The following CTNNA3 variants were observed in gnomAD, a reference collection of about 807,000 sequenced individuals.
CTNNA3 encodes catenin alpha-3.
Under a neutral mutation model 95.7 loss-of-function variants are expected in CTNNA3, and 76 were observed. That is an observed-to-expected ratio of 0.79 (90% confidence interval 0.66 to 0.96). The LOEUF (loss-of-function observed/expected upper bound fraction) is 0.96, where lower values mean the gene tolerates loss of function less well. Among genes scored for constraint, CTNNA3 ranks in the 40% least tolerant of loss-of-function variants. CTNNA3 has a pLI of 0.00. For synonymous variants in CTNNA3, 431 were observed against 374.4 expected (o/e 1.15, Z -1.74); for missense variants, 1,191 against 1,089.8 (o/e 1.09, Z -1.31).
At chr10:67,279,544 T>TAAGGAGAG (rs1554817340) in intron 5 of CTNNA3, among the ~76,000 whole-genome samples, 4 of 138,852 alleles carry the variant, frequency 2.9e-5, no homozygotes, top group South Asian at 2.6e-4. Context: ...AGGGTAATAG[T>TAAGGAGAG]CAATTAGGTA....
Position 66,347,881 on chromosome 10 carries a change from C to T in CTNNA3, c.1732+31271G>A, listed in dbSNP as rs570608186. On this transcript the variant is annotated intron_variant, in intron 12 of 17. Coordinates refer to ENST00000433211, the MANE Select transcript of CTNNA3 (RefSeq NM_013266.4). ...TGTCACATGCTCAGGACGAGATAAT[C>T]GAGATAATAGAATAAATGACATATT... Among the ~76,000 whole-genome samples the T allele has an allele frequency of 4.0e-5, 6 of 151,864 alleles. No individual in the cohort carries two copies. In the South Asian group the frequency reaches 8.3e-4, roughly 21 times the overall value.
intron 15 of CTNNA3, among the ~76,000 whole-genome samples, chr10:66,052,529 TTTAAA>T (rs1210480383): frequency 2.0e-5 from 3 of 152,174 alleles, no homozygotes; most frequent in Non-Finnish European, 4.4e-5. Flanking sequence ...TTGTACGTTG[TTTAAA>T]TTAAAAGTGT....
rs916933045 is a variant in CTNNA3 at position 65,917,725 on chromosome 10, T to C, written c.*2605A>G. 6.6e-6 allele frequency: 1 copy of C among 152,200 alleles called. No individual in the cohort carries two copies. Among genetic ancestry groups the C allele is most frequent in the African/African-American group, 2.4e-5 (1 of 41,456 alleles). The allele number at this position is 152,200 out of a possible 1,614,324, so 9.4% of individuals were successfully genotyped here. A position where few individuals can be genotyped will look rare whatever the true frequency, so the allele number is the denominator to read the frequency against. On this transcript the variant is annotated 3_prime_UTR_variant, in exon 18 of 18. Coordinates refer to ENST00000433211, the MANE Select transcript of CTNNA3 (RefSeq NM_013266.4). The stretch of plus-strand genomic sequence containing the variant: ...AAAGGTACATAGGTGGATCACCAAA[T>C]TATCACTCTCATTAAGAAATTTCTG...
intron 5 of CTNNA3, among the ~76,000 whole-genome samples, chr10:67,275,523 T>C (rs930755962): frequency 6.6e-6 from 1 of 151,654 alleles, no homozygotes; most frequent in African/African-American, 2.4e-5. Flanking sequence ...GCTAAGCGTA[T>C]AAAAAACCGA....
upstream of CTNNA3, among the ~76,000 whole-genome samples, chr10:67,699,027 T>TA (rs891320814): frequency 1.3e-5 from 2 of 152,022 alleles, no homozygotes; most frequent in African/African-American, 4.8e-5. Flanking sequence ...TCCCTCCTAT[T>TA]AAAATGCAAG....
intron 10 of CTNNA3, among the ~76,000 whole-genome samples, chr10:66,589,064 G>T (rs2132223167): frequency 6.6e-6 from 1 of 152,132 alleles, no homozygotes; most frequent in East Asian, 1.9e-4. Context: ...AGATCTGACA[G>T]CTCAACAATG....
intron 7 of CTNNA3, among the ~76,000 whole-genome samples, chr10:66,948,135 T>G (rs1024719957): frequency 6.6e-6 from 1 of 152,204 alleles, no homozygotes; most frequent in Admixed American, 6.5e-5. Context: ...AGTCCCTCAT[T>G]GGCCACAACA....
At chr10:66,012,509 T>C (rs1377204657) in intron 15 of CTNNA3, among the ~76,000 whole-genome samples, 1 of 152,148 alleles carries the variant, frequency 6.6e-6, no homozygotes, top group Non-Finnish European at 1.5e-5. Flanking sequence ...CCATAAACCA[T>C]ACATAATTAT....
chr10:66,108,015 G>T (rs1390751416), intron 13 of CTNNA3, among the ~76,000 whole-genome samples: 1 of 151,794 alleles, frequency 6.6e-6, no homozygotes, highest in Non-Finnish European at 1.5e-5. Context: ...GAGTGGTCTC[G>T]CACTCAGAGA....
At chr10:66,404,219 A>G (rs1018657795) in intron 11 of CTNNA3, among the ~76,000 whole-genome samples, 1 of 152,028 alleles carries the variant, frequency 6.6e-6, no homozygotes, top group African/African-American at 2.4e-5. Flanking sequence ...TCCTCAACCA[A>G]TCAGTAGCAC....
chr10:66,305,639 A>G (rs2091923493), intron 12 of CTNNA3, among the ~76,000 whole-genome samples: 1 of 152,200 alleles, frequency 6.6e-6, no homozygotes, highest in Non-Finnish European at 1.5e-5. Flanking sequence ...TGAAGTAGAC[A>G]GTTTAGGTGT....
At chr10:66,745,795 T>A (rs1838845064) in intron 9 of CTNNA3, among the ~76,000 whole-genome samples, 1 of 151,012 alleles carries the variant, frequency 6.6e-6, no homozygotes, top group Admixed American at 6.6e-5. Context: ...GAGATGGAGT[T>A]TCACTGTGTT....
At chr10:66,183,759 A>AAAG (rs1355063046) in intron 13 of CTNNA3, among the ~76,000 whole-genome samples, 50 of 152,300 alleles carry the variant, frequency 3.3e-4, no homozygotes, top group African/African-American at 1.2e-3. Flanking sequence ...GTTAGTAGTA[A>AAAG]AAGGAATCTT....
Position 66,199,792 on chromosome 10 carries a change from TATATATATATA to T in CTNNA3, c.1884+80667_1884+80677del, listed in dbSNP as rs1441355152. Among the ~76,000 whole-genome samples, 16 of 16,272 alleles carry T rather than the reference TATATATATATA, an allele frequency of 9.8e-4. No homozygotes were observed. The East Asian group carries it at 0.014, about 14-fold the overall frequency. The allele number at this position is 16,272 out of a possible 152,430, so 10.7% of individuals were successfully genotyped here. A position where few individuals can be genotyped will look rare whatever the true frequency, so the allele number is the denominator to read the frequency against. ...ATATATATATATATATATATATATA[TATATATATATA>T]TATTTTTTTTTTTTTTTTTTTTTTT... is the stretch of plus-strand genomic sequence containing the variant. On this transcript the variant is annotated intron_variant, in intron 13 of 17. Coordinates refer to ENST00000433211, the MANE Select transcript of CTNNA3 (RefSeq NM_013266.4).
At chr10:67,326,496 C>T (rs184505653) in intron 5 of CTNNA3, among the ~76,000 whole-genome samples, 11 of 152,182 alleles carry the variant, frequency 7.2e-5, no homozygotes, top group Non-Finnish European at 1.5e-4. Flanking sequence ...TTAGTTTGGC[C>T]GGATAAGAAT....
At chr10:66,786,646 A>G (rs918913614) in intron 7 of CTNNA3, among the ~76,000 whole-genome samples, 2 of 152,226 alleles carry the variant, frequency 1.3e-5, no homozygotes, top group Non-Finnish European at 2.9e-5. Flanking sequence ...TATAAAATCA[A>G]TGAGACAAGA....
chr10:66,773,941 C>A (rs1279935632), intron 8 of CTNNA3, among the ~76,000 whole-genome samples: 1 of 152,000 alleles, frequency 6.6e-6, no homozygotes, highest in Admixed American at 6.6e-5. Context: ...TAAGTATGTA[C>A]CATACAATAT....
At chr10:66,009,645 T>A (rs536337514) in intron 15 of CTNNA3, among the ~76,000 whole-genome samples, 16 of 152,252 alleles carry the variant, frequency 1.1e-4, no homozygotes, top group Non-Finnish European at 2.1e-4. Flanking sequence ...TATTTCCTGT[T>A]GCCCAAAGCA....
chr10:67,559,356 C>T (rs1027151728), intron 3 of CTNNA3, among the ~76,000 whole-genome samples: 1 of 152,168 alleles, frequency 6.6e-6, no homozygotes, highest in East Asian at 1.9e-4. Context: ...CTGCAGCCAC[C>T]GCTGCTGATA....
Sources: allele counts gnomAD v4.1 joint callset (sites outside exome capture counted in the v4.1 genomes callset), GRCh38; gene constraint gnomAD v4.1.1; transcripts MANE v1.5; gene names NCBI Gene and HGNC (gene_info 2026-07-23, HGNC 2026-07-21).